Variants in SMIM10L3 observed in about 807,000 individuals in gnomAD.
SMIM10L3 encodes salivary gland specific protein SAGSIN1.
chr7:6,339,419 A>G, the SMIM10L3 span, among the ~76,000 whole-genome samples: 1 of 152,114 alleles, frequency 6.6e-6, no homozygotes. Flanking sequence ...TCTAGGCAAC[A>G]TAGCAAGACC....
chr7:6,337,102 C>G, the SMIM10L3 span, among the ~76,000 whole-genome samples: 2 of 149,088 alleles, frequency 1.3e-5, no homozygotes, highest in Admixed American at 1.3e-4. Context: ...AAGAGTCTCT[C>G]TCTGTCTCGC....
the SMIM10L3 span, among the ~76,000 whole-genome samples, chr7:6,333,313 G>A: frequency 3.9e-4 from 59 of 152,202 alleles, no homozygotes; most frequent in Non-Finnish European, 7.4e-4. Context: ...GGAGCCAGCC[G>A]AGAAGCTTCA....
chr7:6,338,295 G>T, the SMIM10L3 span, among the ~76,000 whole-genome samples: 1 of 152,064 alleles, frequency 6.6e-6, no homozygotes, highest in African/African-American at 2.4e-5. Flanking sequence ...GAGATATATT[G>T]TACCAGATAA....
the SMIM10L3 span, among the ~76,000 whole-genome samples, chr7:6,340,835 C>G: frequency 6.9e-6 from 1 of 144,308 alleles, no homozygotes; most frequent in South Asian, 2.2e-4. Context: ...GGAGGCGGAG[C>G]TGGCAGTGAG....
chr7:6,343,425 T>C, the SMIM10L3 span, among the ~76,000 whole-genome samples: 2 of 129,920 alleles, frequency 1.5e-5, no homozygotes, highest in Non-Finnish European at 3.3e-5. Context: ...TATATATATA[T>C]ATATATATAT....
the SMIM10L3 span, among the ~76,000 whole-genome samples, chr7:6,340,452 A>T: frequency 6.6e-6 from 1 of 152,180 alleles, no homozygotes; most frequent in South Asian, 2.1e-4. Flanking sequence ...AGAAGGGCAG[A>T]GGCCGTGCCA....
the SMIM10L3 span, among the ~76,000 whole-genome samples, chr7:6,348,321 CG>C: frequency 2.2e-3 from 333 of 152,184 alleles, 1 homozygote; most frequent in African/African-American, 7.4e-3. Context: ...CATGCAGTCT[CG>C]GACCCCACCT....
chr7:6,330,511 C>T, the SMIM10L3 span: 12 of 1,614,140 alleles, frequency 7.4e-6, no homozygotes, highest in East Asian at 6.7e-5. Flanking sequence ...GGGCTTTAAA[C>T]GGTCAAGGAA....
the SMIM10L3 span, chr7:6,348,887 G>T: frequency 5.2e-6 from 2 of 387,938 alleles, no homozygotes; most frequent in Non-Finnish European, 9.1e-6. Context: ...CGGGCGGGCC[G>T]CAGTGGAGCG....
the SMIM10L3 span, chr7:6,341,818 T>G: frequency 6.6e-6 from 1 of 151,734 alleles, no homozygotes; most frequent in Non-Finnish European, 1.5e-5. Context: ...GCCATCACGG[T>G]GAAACTCTGT....
the SMIM10L3 span, among the ~76,000 whole-genome samples, chr7:6,347,087 G>C: frequency 8.3e-3 from 1,261 of 152,274 alleles, 18 homozygotes; most frequent in African/African-American, 0.029. Flanking sequence ...AGTGCTTTGG[G>C]AGGGCAAGGC....
the SMIM10L3 span, chr7:6,348,908 G>C: frequency 3.6e-5 from 14 of 385,426 alleles, no homozygotes; most frequent in Non-Finnish European, 5.9e-5. Context: ...GAGTCCGCAC[G>C]TCACGCTCGG....
the SMIM10L3 span, among the ~76,000 whole-genome samples, chr7:6,348,286 G>C: frequency 2.6e-5 from 4 of 151,256 alleles, no homozygotes; most frequent in Non-Finnish European, 5.9e-5. Flanking sequence ...ATTTAATAAA[G>C]GTCCTCTTCA....
chr7:6,344,345 C>G, the SMIM10L3 span, among the ~76,000 whole-genome samples: 1 of 152,260 alleles, frequency 6.6e-6, no homozygotes, highest in East Asian at 1.9e-4. Flanking sequence ...GCCAAGAAGA[C>G]AGACACCCCA....
chr7:6,336,937 A>G, the SMIM10L3 span, among the ~76,000 whole-genome samples: 4 of 152,168 alleles, frequency 2.6e-5, no homozygotes, highest in Non-Finnish European at 5.9e-5. Context: ...TACAGGCGTG[A>G]GCCACCATGG....
chr7:6,348,401 G>A, the SMIM10L3 span, among the ~76,000 whole-genome samples: 1 of 152,164 alleles, frequency 6.6e-6, no homozygotes, highest in Non-Finnish European at 1.5e-5. Flanking sequence ...TTGCAGAACG[G>A]GGATAAGGAC....
the SMIM10L3 span, among the ~76,000 whole-genome samples, chr7:6,338,335 C>A: frequency 6.6e-6 from 1 of 152,068 alleles, no homozygotes; most frequent in African/African-American, 2.4e-5. Context: ...AAAATCAGCT[C>A]TTTTTGGCCT....
the SMIM10L3 span, chr7:6,330,217 G>C: frequency 1.4e-6 from 1 of 726,638 alleles, no homozygotes; most frequent in Middle Eastern, 3.9e-4. Context: ...GCATCAACTG[G>C]CTTTGAATTT....
chr7:6,335,397 T>C, the SMIM10L3 span, among the ~76,000 whole-genome samples: 5 of 151,938 alleles, frequency 3.3e-5, no homozygotes, highest in South Asian at 6.2e-4. Context: ...TAATTTTAGT[T>C]TTTGTATTTT....
Sources: allele counts gnomAD v4.1 joint callset (sites outside exome capture counted in the v4.1 genomes callset), GRCh38; gene constraint gnomAD v4.1.1; transcripts MANE v1.5; gene names NCBI Gene and HGNC (gene_info 2026-07-23, HGNC 2026-07-21).